SPEF2: variants seen among roughly 807,000 people sequenced by gnomAD.
SPEF2 encodes the protein sperm flagellar and cilia associated 2.
A neutral mutation model predicts 224.6 loss-of-function variants in SPEF2; 187 were observed. The observed-to-expected ratio is 0.83, with a 90% CI of 0.74 to 0.94. The LOEUF (loss-of-function observed/expected upper bound fraction) is 0.94, where lower values mean the gene tolerates loss of function less well. Among genes scored for constraint, SPEF2 ranks in the 40% least tolerant of loss-of-function variants. The pLI is 0.00. For synonymous variants in SPEF2, 715 were observed against 707.3 expected (o/e 1.01, Z -0.17); for missense variants, 2,170 against 2,135.6 (o/e 1.02, Z -0.32).
intron 6 of SPEF2, among the ~76,000 whole-genome samples, chr5:35,653,595 C>T (rs776916221): frequency 2.0e-5 from 3 of 151,890 alleles, no homozygotes; most frequent in Non-Finnish European, 4.4e-5. Flanking sequence ...GGTCAGAGGC[C>T]CAGAGCCAGC....
chr5:35,699,233 G>T, intron 15 of SPEF2: 1 of 152,122 alleles, frequency 6.6e-6, no homozygotes, highest in East Asian at 1.9e-4. Context: ...TTGGAAAGGG[G>T]ATTCCATTGT....
chr5:35,700,427 A>G, intron 15 of SPEF2, 69 bp from the exon 16 acceptor site: 1 of 1,373,696 alleles, frequency 7.3e-7, no homozygotes, highest in Non-Finnish European at 1.0e-6. Context: ...AAAAGGAAAG[A>G]TTCATCATAG....
chr5:35,718,709 C>T (rs1045682833), intron 20 of SPEF2, among the ~76,000 whole-genome samples: 1 of 152,156 alleles, frequency 6.6e-6, no homozygotes, highest in African/African-American at 2.4e-5. Flanking sequence ...ATGTCATGGA[C>T]ACTAACGTGA....
intron 28 of SPEF2, 128 bp from the exon 29 acceptor site, chr5:35,776,129 T>G: frequency 2.4e-6 from 2 of 825,536 alleles, no homozygotes; most frequent in Non-Finnish European, 3.6e-6. Context: ...TCTTATCTAT[T>G]CTGGTATATT....
At chr5:35,709,908 C>A in intron 19 of SPEF2, 59 of 985,300 alleles carry the variant, frequency 6.0e-5, no homozygotes, top group Non-Finnish European at 7.1e-5. Context: ...ACCATGTCTA[C>A]CTAAGTATCT....
intron 21 of SPEF2, among the ~76,000 whole-genome samples, chr5:35,731,697 G>A (rs1039338362): frequency 1.8e-4 from 28 of 152,216 alleles, no homozygotes; most frequent in African/African-American, 6.5e-4. Flanking sequence ...GATGATGCCT[G>A]TGTAAAGTGA....
At chr5:35,670,997 C>T in intron 10 of SPEF2, 1 of 985,352 alleles carries the variant, frequency 1.0e-6, no homozygotes, top group Middle Eastern at 5.2e-4. Flanking sequence ...CTCCATCTCA[C>T]CCTTAGAAGT....
chr5:35,767,265 CTTA>C (rs1346188323), intron 26 of SPEF2, among the ~76,000 whole-genome samples: 13 of 151,994 alleles, frequency 8.6e-5, no homozygotes, highest in African/African-American at 3.1e-4. Flanking sequence ...TGAACCTTTT[CTTA>C]TTATGAAATA....
intron 34 of SPEF2, among the ~76,000 whole-genome samples, chr5:35,801,373 T>G (rs1757397705): frequency 6.6e-6 from 1 of 151,970 alleles, no homozygotes; most frequent in Non-Finnish European, 1.5e-5. Flanking sequence ...ATTAGTTGGA[T>G]GTGGTGGTGT....
chr5:35,723,653 G>A (rs949314343), intron 20 of SPEF2, among the ~76,000 whole-genome samples: 3 of 152,156 alleles, frequency 2.0e-5, no homozygotes, highest in African/African-American at 7.2e-5. Flanking sequence ...CCAAAGCCCT[G>A]AAATGAGGAA....
At chr5:35,751,025 G>GTGTATA (rs1334039360) in intron 23 of SPEF2, among the ~76,000 whole-genome samples, 1 of 68,764 alleles carries the variant, frequency 1.5e-5, no homozygotes, top group Non-Finnish European at 2.8e-5. Context: ...ATATATATAC[G>GTGTATA]TATATATATA....
At chr5:35,632,219 C>A (rs184843894) in intron 2 of SPEF2, among the ~76,000 whole-genome samples, 1 of 152,224 alleles carries the variant, frequency 6.6e-6, no homozygotes, top group Non-Finnish European at 1.5e-5. Context: ...AATATATACC[C>A]GAGATTGGGC....
At chr5:35,664,755 A>G in intron 8 of SPEF2, among the ~76,000 whole-genome samples, 1 of 140,504 alleles carries the variant, frequency 7.1e-6, no homozygotes, top group Non-Finnish European at 1.6e-5. Flanking sequence ...AGAGAGAGGA[A>G]GGAAGGAGGA....
rs1212390855 is a variant in SPEF2 at position 35,800,139 on chromosome 5, G to A, written c.5002G>A (p.Ala1668Thr). The stretch of plus-strand genomic sequence containing the variant: ...ACAAGTCAAAGCTTCCATTCCAAGT[G>A]CAGAAAAGGTAATTGCATTCCAGAA... ...FQQVKASIPS[A>T]EKTSSTDAGP... Residue 1668 changes from alanine to threonine, a missense_variant, in exon 34 of 37, where the codon GCA (alanine) becomes ACA (threonine). Physicochemically the swap from Ala to Thr is moderately conservative, Grantham distance 58 (BLOSUM62 0). Coordinates refer to ENST00000356031, the MANE Select transcript of SPEF2 (RefSeq NM_024867.4). The A allele has an allele frequency of 6.8e-6, 11 of 1,613,926 alleles. No individual in the cohort carries two copies. Among genetic ancestry groups the A allele is most frequent in the Non-Finnish European group, 8.5e-6 (10 of 1,179,994 alleles).
rs368507867 is a variant in SPEF2, at chr5:35,668,303, GGA to G, written c.1355+1045_1355+1046del. 1.9e-3 allele frequency among the ~76,000 whole-genome samples: 295 copies of G among 152,192 alleles called. 2 individuals are homozygous for G. The highest frequency in any genetic ancestry group is 6.7e-3 in the African/African-American group (278 of 41,534). On this transcript the variant is annotated intron_variant, in intron 9 of 36. Coordinates refer to ENST00000356031, the MANE Select transcript of SPEF2 (RefSeq NM_024867.4). ...ATAGAGTGTGATACATCCGTATCAT[GGA>G]ATATTGCTGAGAAATATAAAATAAT... is the stretch of plus-strand genomic sequence containing the variant.
chr5:35,736,468 A>AGTGT (rs139387194), intron 21 of SPEF2, among the ~76,000 whole-genome samples: 4,640 of 149,196 alleles, frequency 0.031, 138 homozygotes, highest in African/African-American at 0.079. Context: ...CAAGTGACAG[A>AGTGT]GTGTGTGTGT....
intron 2 of SPEF2, among the ~76,000 whole-genome samples, chr5:35,638,654 GTTATAA>G (rs1746169790): frequency 6.6e-6 from 1 of 151,952 alleles, no homozygotes; most frequent in South Asian, 2.1e-4. Context: ...TCATTATCAA[GTTATAA>G]TTATTTATTT....
At chr5:35,734,800 C>T (rs1366857184) in intron 21 of SPEF2, among the ~76,000 whole-genome samples, 1 of 148,216 alleles carries the variant, frequency 6.7e-6, no homozygotes, top group Non-Finnish European at 1.5e-5. Context: ...CAACCTCCGC[C>T]TCCCGGGTTC....
intron 2 of SPEF2, among the ~76,000 whole-genome samples, chr5:35,639,823 A>C (rs564885999): frequency 6.6e-6 from 1 of 152,190 alleles, no homozygotes; most frequent in East Asian, 1.9e-4. Context: ...CTCAGAGGTC[A>C]TCATTTACCT....
Sources: gnomAD v4.1 joint callset for allele counts (sites outside exome capture counted in the v4.1 genomes callset) on GRCh38, gnomAD v4.1.1 for gene constraint, MANE v1.5 for transcripts, NCBI Gene and HGNC (gene_info 2026-07-23, HGNC 2026-07-21) for gene names.